Variants in SEMA7A observed in about 807,000 individuals in gnomAD.
The protein encoded by SEMA7A is semaphorin-7A.
A neutral mutation model predicts 67.5 loss-of-function variants in SEMA7A; 21 were observed. The observed-to-expected ratio is 0.31, with a 90% CI of 0.22 to 0.45. The LOEUF (loss-of-function observed/expected upper bound fraction) is 0.45, where lower values mean the gene tolerates loss of function less well. SEMA7A is among the 20% of genes least tolerant of loss of function. The pLI is 1.00. For synonymous variants in SEMA7A, 364 were observed against 368.5 expected, an observed-to-expected ratio of 0.99 and a Z score of 0.14; for missense variants, 774 against 908.6, an observed-to-expected ratio of 0.85 and a Z score of 1.90.
chr15:74,411,865 C>T lies in SEMA7A; in HGVS notation c.1422+20G>A, dbSNP rs200913632. ...TGCAGTCACTGCATAGCCCATGGGA[C>T]GCAGTGGGGGAAGGCTCACCCGCTC... On this transcript the variant is annotated intron_variant, in intron 11 of 13. Coordinates refer to ENST00000261918, the MANE Select transcript of SEMA7A (RefSeq NM_003612.5). The surrounding 1 kb of genome is among the most constrained non-coding windows in gnomAD (Gnocchi z 4.4). 1.4e-4 allele frequency: 233 copies of T among 1,613,012 alleles called. No homozygotes were observed. The Middle Eastern group carries it at 1.8e-3, about 13-fold the overall frequency.
At chr15:74,426,361 T>C (rs931487781) in intron 1 of SEMA7A, among the ~76,000 whole-genome samples, 1 of 152,024 alleles carries the variant, frequency 6.6e-6, no homozygotes, top group African/African-American at 2.4e-5. Context: ...GGCCCATAGA[T>C]CCCCCCACCC....
In SEMA7A at chr15:74,411,965, T is replaced by C. The variant is rs370212850; in HGVS notation, c.1342A>G (p.Ser448Gly). The C allele has an allele frequency of 1.7e-5, 27 of 1,613,894 alleles. No homozygotes were observed. The East Asian group carries it at 5.8e-4, about 35-fold the overall frequency. Reference sequence around the variant, plus strand: ...ATCTCCATGATGTTGAAGGCGAAGCTGTGCTCCTGCTCCCCCGGTTCCACC... The same window carrying C: ...ATCTCCATGATGTTGAAGGCGAAGCCGTGCTCCTGCTCCCCCGGTTCCACC... ...KVVEPGEQEH[S>G]FAFNIMEIQP... is the part of the protein sequence containing the mutation. Residue 448 changes from serine (S) to glycine (G), a missense_variant, in exon 11 of 14, where the codon AGC (serine) becomes GGC (glycine). Coordinates refer to ENST00000261918, the MANE Select transcript of SEMA7A (RefSeq NM_003612.5). The surrounding 1 kb of genome is among the most constrained non-coding windows in gnomAD (Gnocchi z 4.4).
intron 1 of SEMA7A, among the ~76,000 whole-genome samples, chr15:74,426,238 G>A (rs979114592): frequency 2.0e-5 from 3 of 152,166 alleles, no homozygotes; most frequent in Admixed American, 2.0e-4. Context: ...CCACGCCACT[G>A]CACTCCAGCC....
At chr15:74,420,581 A>G (rs1333654301) in intron 1 of SEMA7A, among the ~76,000 whole-genome samples, 2 of 152,172 alleles carry the variant, frequency 1.3e-5, no homozygotes, top group African/African-American at 4.8e-5. Flanking sequence ...TGTGCAGAGC[A>G]AGGGCTGAGA....
In SEMA7A at chr15:74,418,259, C is replaced by A; in HGVS notation, c.372+9G>T. On this transcript the variant is annotated intron_variant, in intron 3 of 13. Transcript: ENST00000261918. ...GCTCAGACCCCTCCATACCCCCTCC[C>A]CCACTCACCCGCTTATCCAGACAGG... The A allele has an allele frequency of 6.2e-7, 1 of 1,612,948 alleles. No individual in the cohort carries two copies. Among genetic ancestry groups the A allele is most frequent in the Non-Finnish European group, 8.5e-7 (1 of 1,179,402 alleles).
chr15:74,419,269 G>A (rs1401484170), intron 1 of SEMA7A, among the ~76,000 whole-genome samples: 1 of 152,184 alleles, frequency 6.6e-6, no homozygotes, highest in Non-Finnish European at 1.5e-5. Flanking sequence ...TGGGGGAACA[G>A]ACCCCCTCCT....
intron 6 of SEMA7A, 25 bp from the exon 7 acceptor site, chr15:74,416,739 C>A (rs373620148): frequency 6.2e-7 from 1 of 1,609,872 alleles, no homozygotes; most frequent in South Asian, 1.1e-5. Context: ...GGCGAGTGGG[C>A]GTAAGGCTGG....
In SEMA7A at chr15:74,416,613, C is replaced by A. The variant is rs2060950616; in HGVS notation, c.763G>T (p.Ala255Ser). Reference sequence around the variant, plus strand: ...GCCACACGGGACACATTGAGAGGAGCCTCAGGATTCTTGTCAGGATTGTCC... The same window carrying A: ...GCCACACGGGACACATTGAGAGGAGACTCAGGATTCTTGTCAGGATTGTCC... ...REDNPDKNPE[A>S]PLNVSRVAQL... Residue 255 changes from alanine (A) to serine (S), a missense_variant, in exon 7 of 14, where the codon GCT (alanine) becomes TCT (serine). By Grantham distance (99) the Ala-to-Ser change is moderately conservative (BLOSUM62 1). Transcript: ENST00000261918. The A allele has an allele frequency of 6.2e-7, 1 of 1,614,066 alleles. No homozygotes were observed. The highest frequency in any genetic ancestry group is 8.5e-7 in the Non-Finnish European group (1 of 1,179,984).
Position 74,416,704 on chromosome 15 carries a change from G to C in SEMA7A, c.672C>G (p.Phe224Leu). Residue 224 changes from phenylalanine to leucine, a missense_variant, in exon 7 of 14, where the codon TTC becomes TTG. By Grantham distance (22) the Phe-to-Leu change is conservative. This residue lies in a region of SEMA7A where 347 missense variants were observed against 353.2 expected (regional missense o/e 0.98). Coordinates refer to ENST00000261918, the MANE Select transcript of SEMA7A (RefSeq NM_003612.5). Reference protein sequence around the residue: ...TSDTVMQNPQFIKATIVHQDQ... With the variant: ...TSDTVMQNPQLIKATIVHQDQ... ...CTTGGTGCACGATGGTGGCTTTGAT[G>C]AACTGTGGGTCTGCCAGGGACAGAG... is the stretch of plus-strand genomic sequence containing the variant. 1 of 1,614,074 alleles carries C rather than the reference G, an allele frequency of 6.2e-7. No homozygotes were observed. The highest frequency in any genetic ancestry group is 1.3e-5 in the African/African-American group (1 of 75,058).
chr15:74,410,881 TCTC>T lies in SEMA7A; in HGVS notation c.1741_1743del (p.Glu581del). 1 of 1,614,112 alleles carries T rather than the reference TCTC, an allele frequency of 6.2e-7. No individual in the cohort carries two copies. Among genetic ancestry groups the T allele is most frequent in the Non-Finnish European group, 8.5e-7 (1 of 1,180,018 alleles). ...CCAGGTTCGCAGCTCTGCTCCACGT[TCTC>T]CTTGTGGCGCCATGAGTAGGTGGCG... On this transcript the variant is annotated inframe_deletion, in exon 14 of 14. Transcript: ENST00000261918. This position sits in a 1 kb window ranked among gnomAD's most constrained non-coding sequence, Gnocchi z 7.5.
chr15:74,433,689 GC>G, intron 1 of SEMA7A, 51 bp downstream of exon 1: 1 of 1,376,354 alleles, frequency 7.3e-7, no homozygotes, highest in Non-Finnish European at 9.3e-7. Flanking sequence ...CTCCGCACCC[GC>G]CCCGCGCAGC....
At chr15:74,427,547 T>C (rs998303796) in intron 1 of SEMA7A, among the ~76,000 whole-genome samples, 3 of 152,186 alleles carry the variant, frequency 2.0e-5, no homozygotes, top group Non-Finnish European at 4.4e-5. Flanking sequence ...GCCAGGCTGG[T>C]CTCGAACTCC....
At position 74,414,820 on chromosome 15, in the gene SEMA7A, G is replaced by T. The variant is rs757502834; in HGVS notation, c.1095+18C>A. 1 of 1,613,758 alleles carries T rather than the reference G, an allele frequency of 6.2e-7. No homozygotes were observed. The highest frequency in any genetic ancestry group is 8.5e-7 in the Non-Finnish European group (1 of 1,179,778). On this transcript the variant is annotated intron_variant, in intron 9 of 13. Coordinates refer to ENST00000261918, the MANE Select transcript of SEMA7A (RefSeq NM_003612.5). This position sits in a 1 kb window ranked among gnomAD's most constrained non-coding sequence, Gnocchi z 4.1. ...AGAAGGAGGGCTGGGCCTGGGCCAC[G>T]GCTGGTGTCACGCTCACCTTGCCAG...
rs937086281 is a variant in SEMA7A at position 74,410,292 on chromosome 15, C to G, written c.*332G>C. The stretch of plus-strand genomic sequence containing the variant: ...AGCTCTCCTATCCAAACCCACTCCC[C>G]GACCCATGGGCTCTTGGGCTGGGAG... On this transcript the variant is annotated 3_prime_UTR_variant, in exon 14 of 14. Transcript: ENST00000261918. This position sits in a 1 kb window ranked among gnomAD's most constrained non-coding sequence, Gnocchi z 7.5. The G allele has an allele frequency of 3.5e-6, 1 of 287,618 alleles. No homozygotes were observed. Among genetic ancestry groups the G allele is most frequent in the African/African-American group, 2.2e-5 (1 of 45,580 alleles). 17.8% of individuals were successfully genotyped at this position (287,618 alleles called of 1,614,324 possible).
intron 7 of SEMA7A, among the ~76,000 whole-genome samples, 154 bp from the exon 8 acceptor site, chr15:74,416,139 A>C (rs2060946177): frequency 6.6e-6 from 1 of 152,126 alleles, no homozygotes. Context: ...CCCAGGACTC[A>C]GGGCAGGTCT....
chr15:74,422,036 A>G (rs1360312946), intron 1 of SEMA7A, among the ~76,000 whole-genome samples: 1 of 152,054 alleles, frequency 6.6e-6, no homozygotes, highest in African/African-American at 2.4e-5. Flanking sequence ...AAAGGTGGGG[A>G]AGGTGGCTGT....
Position 74,416,699 on chromosome 15 carries a change from T to C in SEMA7A, c.677A>G (p.Lys226Arg). Residue 226 changes from lysine to arginine, a missense_variant, in exon 7 of 14, where the codon AAA becomes AGA. By Grantham distance (26) the Lys-to-Arg change is conservative. Coordinates refer to ENST00000261918, the MANE Select transcript of SEMA7A (RefSeq NM_003612.5). ...DTVMQNPQFI[K>R]ATIVHQDQAY... is the part of the protein sequence containing the mutation. ...CTGGTCTTGGTGCACGATGGTGGCT[T>C]TGATGAACTGTGGGTCTGCCAGGGA... The C allele has an allele frequency of 6.2e-7, 1 of 1,614,066 alleles. No homozygotes were observed. Among genetic ancestry groups the C allele is most frequent in the Non-Finnish European group, 8.5e-7 (1 of 1,179,956 alleles).
chr15:74,411,572 T>A lies in SEMA7A; in HGVS notation c.1561A>T (p.Ile521Phe). ...CGWDQGRCIS[I>F]YSSERSVLQS... is the part of the protein sequence containing the mutation. The stretch of plus-strand genomic sequence containing the variant: ...CCAACGTACCGTTCGGAGCTGTAGA[T>A]GGAGATGCAGCGGCCTTGGTCCCAG... Residue 521 changes from isoleucine (I) to phenylalanine (F), a missense_variant, in exon 12 of 14, where the codon ATC becomes TTC. Ile to Phe is a conservative substitution (Grantham distance 21). Around this residue, in one of 2 missense-constraint regions of SEMA7A, gnomAD observed 427 missense variants for 555.4 expected, o/e 0.77. Transcript: ENST00000261918. The surrounding 1 kb of genome is among the most constrained non-coding windows in gnomAD (Gnocchi z 4.4). The A allele has an allele frequency of 6.3e-7, 1 of 1,577,220 alleles. No homozygotes were observed. The highest frequency in any genetic ancestry group is 1.2e-5 in the South Asian group (1 of 85,698).
At chr15:74,415,256 G>A (rs1237662738) in intron 8 of SEMA7A, among the ~76,000 whole-genome samples, 1 of 152,102 alleles carries the variant, frequency 6.6e-6, no homozygotes, top group Non-Finnish European at 1.5e-5. Flanking sequence ...GTGGGGTGCT[G>A]ATGCCCCAGG....
Sources: allele counts gnomAD v4.1 joint callset (sites outside exome capture counted in the v4.1 genomes callset), GRCh38; gene constraint gnomAD v4.1.1; regional missense constraint gnomAD v4.1.1; non-coding constraint Gnocchi (gnomAD v3.1); transcripts MANE v1.5; gene names NCBI Gene and HGNC (gene_info 2026-07-23, HGNC 2026-07-21).